The following PMFBP1 variants were observed in gnomAD, a reference collection of about 807,000 sequenced individuals.
The protein encoded by PMFBP1 is polyamine modulated factor 1 binding protein 1, also known as polyamine-modulated factor 1-binding protein 1.
Under a neutral mutation model 137.8 loss-of-function variants are expected in PMFBP1, and 131 were observed. The ratio of observed to expected loss-of-function variants is 0.95; its 90% confidence interval spans 0.82 to 1.10. The LOEUF (loss-of-function observed/expected upper bound fraction) is 1.10. Among genes scored for constraint, PMFBP1 ranks in the 50% least tolerant of loss-of-function variants. PMFBP1 has a pLI of 0.00. For missense variants in PMFBP1, 1,199 were observed against 1,175.4 expected (o/e 1.02, Z -0.29); for synonymous variants, 490 against 450.4 (o/e 1.09, Z -1.11).
At chr16:72,207,128 A>G in the PMFBP1 span, among the ~76,000 whole-genome samples, 1 of 152,156 alleles carries the variant, frequency 6.6e-6, no homozygotes, top group Non-Finnish European at 1.5e-5. Flanking sequence ...GTGGAGACAG[A>G]TGGGATGAAC....
upstream of PMFBP1, among the ~76,000 whole-genome samples, chr16:72,180,247 C>T (rs1426335298): frequency 6.6e-6 from 1 of 152,146 alleles, no homozygotes; most frequent in Non-Finnish European, 1.5e-5. Flanking sequence ...ATACTCTGGG[C>T]CCTTCCTACA....
the PMFBP1 span, among the ~76,000 whole-genome samples, chr16:72,225,797 T>C: frequency 6.6e-6 from 1 of 151,380 alleles, no homozygotes; most frequent in African/African-American, 2.4e-5. Flanking sequence ...ATAATCCTTT[T>C]CACATAGCCC....
rs761276860 is a variant in PMFBP1, at chr16:72,130,565, G to A, written c.1605C>T (p.Ser535=). The stretch of plus-strand genomic sequence containing the variant: ...AGGTTTGTTCCTTCTCAGCCATCGA[G>A]GACTCCTTCTGCAGCATCTGAAGTT... ...QRELQMLQKE[S]SMAEKEQTSN... is the part of the protein sequence containing the mutation. Residue 535 remains serine (S), a synonymous_variant, in exon 11 of 21, where the codon TCC becomes TCT. Coordinates refer to ENST00000237353, the MANE Select transcript of PMFBP1 (RefSeq NM_031293.3). 6.2e-7 allele frequency: 1 copy of A among 1,614,066 alleles called. No homozygotes were observed. The highest frequency in any genetic ancestry group is 1.1e-5 in the South Asian group (1 of 91,066).
At chr16:72,139,195 T>C (rs377522279) in intron 7 of PMFBP1, 94 bp downstream of exon 7, 7 of 868,898 alleles carry the variant, frequency 8.1e-6, no homozygotes, top group Non-Finnish European at 1.3e-5. Context: ...AAAATATAAA[T>C]TGTCATATAA....
chr16:72,158,417 C>T (rs1210108177), intron 3 of PMFBP1, among the ~76,000 whole-genome samples: 1 of 152,114 alleles, frequency 6.6e-6, no homozygotes, highest in Non-Finnish European at 1.5e-5. Flanking sequence ...AAAAACACTG[C>T]TATTCTCACA....
the PMFBP1 span, among the ~76,000 whole-genome samples, chr16:72,224,266 T>A: frequency 2.0e-5 from 3 of 152,138 alleles, no homozygotes; most frequent in Non-Finnish European, 4.4e-5. Context: ...CCACCCTAGT[T>A]TGGCTCTTTC....
the PMFBP1 span, among the ~76,000 whole-genome samples, chr16:72,195,473 A>G: frequency 6.6e-6 from 1 of 152,084 alleles, no homozygotes; most frequent in South Asian, 2.1e-4. Flanking sequence ...CTGACACAAG[A>G]ACCCAGCCCC....
chr16:72,237,895 G>C, the PMFBP1 span, among the ~76,000 whole-genome samples: 1 of 152,124 alleles, frequency 6.6e-6, no homozygotes. Flanking sequence ...AGAACATGTG[G>C]TATTTGGTTT....
At chr16:72,183,698 A>G in the PMFBP1 span, among the ~76,000 whole-genome samples, 1 of 152,072 alleles carries the variant, frequency 6.6e-6, no homozygotes, top group Non-Finnish European at 1.5e-5. Flanking sequence ...CAACACAACT[A>G]AACCCATAAC....
rs139645042 is a variant in PMFBP1 at position 72,140,103 on chromosome 16, G to A, written c.807+309C>T. Among the ~76,000 whole-genome samples, 90 of 152,284 alleles carry A rather than the reference G, an allele frequency of 5.9e-4. 1 individual carries two copies. The highest frequency in any genetic ancestry group is 1.9e-3 in the African/African-American group (77 of 41,568). ...ACAGATGTGCTTAGTCCTTTTTACT[G>A]GCTGCATATTATTCCACAGTAGGGA... On this transcript the variant is annotated intron_variant, in intron 6 of 20. Transcript: ENST00000237353.
At chr16:72,221,816 G>C in the PMFBP1 span, among the ~76,000 whole-genome samples, 1 of 152,182 alleles carries the variant, frequency 6.6e-6, no homozygotes, top group Non-Finnish European at 1.5e-5. Flanking sequence ...TTTAGACATA[G>C]AGTCATTTGG....
intron 3 of PMFBP1, among the ~76,000 whole-genome samples, chr16:72,163,014 G>T (rs771853725): frequency 6.6e-6 from 1 of 152,210 alleles, no homozygotes; most frequent in Non-Finnish European, 1.5e-5. Flanking sequence ...ACATTGCAGA[G>T]GAACAATTTG....
chr16:72,124,054 G>T (rs1432360666), intron 17 of PMFBP1, among the ~76,000 whole-genome samples: 1 of 152,084 alleles, frequency 6.6e-6, no homozygotes, highest in Non-Finnish European at 1.5e-5. Flanking sequence ...CTGTCATTCA[G>T]GCTGGAGTGC....
chr16:72,216,454 G>A, the PMFBP1 span, among the ~76,000 whole-genome samples: 1 of 152,064 alleles, frequency 6.6e-6, no homozygotes, highest in Non-Finnish European at 1.5e-5. Context: ...AGCAGCAGAC[G>A]GAAAGAAAAG....
the PMFBP1 span, among the ~76,000 whole-genome samples, chr16:72,210,799 G>C: frequency 6.6e-6 from 1 of 152,124 alleles, no homozygotes; most frequent in Admixed American, 6.6e-5. Flanking sequence ...TTGAGGTGAA[G>C]TCTTCCCTAG....
intron 5 of PMFBP1, among the ~76,000 whole-genome samples, chr16:72,141,926 C>T (rs1278231964): frequency 2.0e-5 from 3 of 151,632 alleles, no homozygotes; most frequent in Non-Finnish European, 4.4e-5. Context: ...AATGTCTTTC[C>T]CTAGATCGTT....
chr16:72,146,770 C>T (rs1439287619), intron 5 of PMFBP1, among the ~76,000 whole-genome samples: 1 of 152,144 alleles, frequency 6.6e-6, no homozygotes, highest in East Asian at 1.9e-4. Flanking sequence ...AACTCCCATT[C>T]ACAATTGCTA....
chr16:72,228,708 G>T, the PMFBP1 span, among the ~76,000 whole-genome samples: 1 of 152,150 alleles, frequency 6.6e-6, no homozygotes, highest in Non-Finnish European at 1.5e-5. Context: ...CTTTAGGATA[G>T]TTTTGCAGAA....
At position 72,125,986 on chromosome 16, in the gene PMFBP1, C is replaced by A; in HGVS notation, c.2235G>T (p.Leu745=). The part of the protein sequence containing the change: ...SRKSAACQDD[L]TQALEKLNHV... ...GCCTCACCTTCTCGAGGGCTTGTGT[C>A]AGGTCATCCTGGCAGGCGGCTGACT... The change falls in exon 15 of 21, where the codon CTG becomes CTT. Residue 745 remains leucine (L), a synonymous_variant. Transcript: ENST00000237353. 6.2e-7 allele frequency: 1 copy of A among 1,614,058 alleles called. No individual in the cohort carries two copies. Among genetic ancestry groups the A allele is most frequent in the Non-Finnish European group, 8.5e-7 (1 of 1,179,960 alleles).
Sources: allele counts gnomAD v4.1 joint callset (sites outside exome capture counted in the v4.1 genomes callset), GRCh38; gene constraint gnomAD v4.1.1; transcripts MANE v1.5; gene names NCBI Gene and HGNC (gene_info 2026-07-23, HGNC 2026-07-21).